ITIH2: variants seen among roughly 807,000 people sequenced by gnomAD.
The protein encoded by ITIH2 is inter-alpha-trypsin inhibitor heavy chain H2.
In ITIH2, 103 loss-of-function variants were observed where a neutral mutation model predicts 104.4. The observed-to-expected ratio is 0.99, with a 90% CI of 0.84 to 1.16. ITIH2 has a LOEUF of 1.16. ITIH2 is among the 50% of genes most tolerant of loss of function. The pLI is 0.00. For missense variants in ITIH2, 1,108 were observed against 1,162.4 expected, an observed-to-expected ratio of 0.95 and a Z score of 0.68; for synonymous variants, 436 against 435.4, an observed-to-expected ratio of 1.00 and a Z score of -0.02.
intron 15 of ITIH2, among the ~76,000 whole-genome samples, chr10:7,735,351 G>A (rs1835044525): frequency 6.6e-6 from 1 of 152,128 alleles, no homozygotes; most frequent in Admixed American, 6.5e-5. Context: ...ATCAATATTT[G>A]AAATTTTTTA....
rs529122943 is a variant in ITIH2, at chr10:7,717,672, C to T, written c.514C>T (p.Leu172Phe). Residue 172 changes from leucine to phenylalanine, a missense_variant, in exon 6 of 21, where the codon CTC (leucine) becomes TTC (phenylalanine). By Grantham distance (22) the Leu-to-Phe change is conservative. Coordinates refer to ENST00000358415, the MANE Select transcript of ITIH2 (RefSeq NM_002216.3). ...AAACTTCAGAACGGAAGTAAATGTC[C>T]TCCCAGGAGCAAAGGTGCAGTTCGA... Reference protein sequence around the residue: ...MENFRTEVNVLPGAKVQFELH... With the variant: ...MENFRTEVNVFPGAKVQFELH... 5 of 1,613,882 alleles carry T rather than the reference C, an allele frequency of 3.1e-6. No homozygotes were observed. In the South Asian group the frequency reaches 3.3e-5, roughly 11 times the overall value.
intron 15 of ITIH2, among the ~76,000 whole-genome samples, chr10:7,736,468 A>T (rs2130959313): frequency 6.6e-6 from 1 of 152,292 alleles, no homozygotes; most frequent in Non-Finnish European, 1.5e-5. Context: ...ATATATTTTT[A>T]TGCTTATTTT....
chr10:7,746,497 G>T (rs1835178829), intron 19 of ITIH2, 96 bp from the exon 20 acceptor site: 1 of 780,698 alleles, frequency 1.3e-6, no homozygotes, highest in Non-Finnish European at 2.1e-6. Flanking sequence ...TAGAAATCCT[G>T]GAGGGAGGAC....
At chr10:7,733,297 T>C (rs375711444) in intron 14 of ITIH2, among the ~76,000 whole-genome samples, 7 of 151,946 alleles carry the variant, frequency 4.6e-5, no homozygotes, top group African/African-American at 1.7e-4. Flanking sequence ...GTATCAGGCA[T>C]GTATTTGCAT....
chr10:7,716,019 C>T (rs140432895), intron 5 of ITIH2, among the ~76,000 whole-genome samples: 6 of 152,168 alleles, frequency 3.9e-5, no homozygotes, highest in African/African-American at 1.2e-4. Flanking sequence ...CCCACCACCA[C>T]GCCCGGCTAA....
chr10:7,746,324 G>A (rs1382975785), intron 19 of ITIH2, among the ~76,000 whole-genome samples: 3 of 151,580 alleles, frequency 2.0e-5, no homozygotes, highest in Non-Finnish European at 4.4e-5. Context: ...GCAGTGAGCC[G>A]AGATAGCACC....
intron 5 of ITIH2, among the ~76,000 whole-genome samples, chr10:7,717,222 G>A (rs897053286): frequency 5.3e-5 from 8 of 152,170 alleles, no homozygotes; most frequent in African/African-American, 1.9e-4. Flanking sequence ...AAAGTGCTGG[G>A]ATTACAGGCA....
rs745701011 is a variant in ITIH2, at chr10:7,749,257, A to C, written c.2764A>C (p.Ser922Arg). The change falls in exon 21 of 21, where the codon AGT becomes CGT. Residue 922 changes from serine to arginine, a missense_variant. Ser to Arg is a moderately radical substitution (Grantham distance 110). Transcript: ENST00000358415. The part of the protein sequence containing the change: ...TDVTCWFVHN[S>R]GKGFIDGHYK... ...CGTTACCTGCTGGTTTGTGCACAAC[A>C]GTGGAAAAGGATTCATTGACGGGCA... is the stretch of plus-strand genomic sequence containing the variant. The C allele has an allele frequency of 1.7e-5, 27 of 1,614,016 alleles. No individual in the cohort carries two copies. The highest frequency in any genetic ancestry group is 2.2e-5 in the Non-Finnish European group (26 of 1,179,986).
At chr10:7,745,413 A>C (rs1835166927) in intron 19 of ITIH2, among the ~76,000 whole-genome samples, 1 of 151,976 alleles carries the variant, frequency 6.6e-6, no homozygotes, top group Non-Finnish European at 1.5e-5. Flanking sequence ...TCCTGCCATC[A>C]GGGTGCTCGA....
chr10:7,730,267 C>T, intron 12 of ITIH2, 134 bp downstream of exon 12: 3 of 646,672 alleles, frequency 4.6e-6, no homozygotes, highest in Non-Finnish European at 7.7e-6. Context: ...TTGCAAGGAT[C>T]AGGGAAGTGC....
At position 7,720,956 on chromosome 10, in the gene ITIH2, A is replaced by C; in HGVS notation, c.731A>C (p.Gln244Pro). 1 of 1,602,182 alleles carries C rather than the reference A, an allele frequency of 6.2e-7. No individual in the cohort carries two copies. The highest frequency in any genetic ancestry group is 1.1e-5 in the South Asian group (1 of 90,818). ...GGTGTTCCGGTCATTTCTAAAGGAC[A>C]ACAGAAGGTACCCTGAGCCCTGTGT... ...FDGVPVISKG[Q>P]QKAHVSFKPT... The change falls in exon 7 of 21, where the codon CAA (glutamine) becomes CCA (proline). Residue 244 changes from glutamine to proline, a missense_variant. Gln to Pro is a moderately conservative substitution (Grantham distance 76). Transcript: ENST00000358415.
chr10:7,746,045 C>T (rs1296542154), intron 19 of ITIH2, among the ~76,000 whole-genome samples: 2 of 131,562 alleles, frequency 1.5e-5, no homozygotes, highest in South Asian at 2.5e-4. Context: ...TGAGCCACCA[C>T]ACCCGGCCCC....
intron 14 of ITIH2, among the ~76,000 whole-genome samples, 198 bp downstream of exon 14, chr10:7,732,675 A>G (rs547795907): frequency 6.6e-6 from 1 of 151,508 alleles, no homozygotes; most frequent in South Asian, 2.1e-4. Flanking sequence ...TTGAGGTATA[A>G]CATACAGTAA....
chr10:7,743,104 CT>C (rs1313413495), intron 16 of ITIH2, 41 bp from the exon 17 acceptor site: 2 of 927,470 alleles, frequency 2.2e-6, no homozygotes, highest in Admixed American at 4.5e-5. Flanking sequence ...AATCATCTTC[CT>C]TTTAATGATT....
At chr10:7,748,071 T>C (rs1835196387) in intron 20 of ITIH2, among the ~76,000 whole-genome samples, 1 of 151,440 alleles carries the variant, frequency 6.6e-6, no homozygotes, top group South Asian at 2.1e-4. Flanking sequence ...TAGCCGGGTG[T>C]GGTGGCGGGC....
At chr10:7,730,364 G>T (rs10795566) in intron 12 of ITIH2, among the ~76,000 whole-genome samples, 23,075 of 152,128 alleles carry the variant, frequency 0.15, 3,448 homozygotes, top group African/African-American at 0.39. Flanking sequence ...GGGAACAGCT[G>T]TCCTACCCCC....
At chr10:7,712,374 G>A (rs934743385) in intron 4 of ITIH2, among the ~76,000 whole-genome samples, 8 of 152,174 alleles carry the variant, frequency 5.3e-5, no homozygotes, top group Non-Finnish European at 7.3e-5. Flanking sequence ...ACCTCGTAAT[G>A]TCATCGTCCT....
intron 14 of ITIH2, 107 bp from the exon 15 acceptor site, chr10:7,734,815 C>A: frequency 1.1e-6 from 1 of 919,316 alleles, no homozygotes; most frequent in Non-Finnish European, 1.6e-6. Context: ...CTCCGCCCCA[C>A]CCCCAGGTTG....
chr10:7,730,213 A>C (rs1300956770), intron 12 of ITIH2, 80 bp downstream of exon 12: 1 of 1,014,190 alleles, frequency 9.9e-7, no homozygotes, highest in African/African-American at 1.6e-5. Flanking sequence ...TATGATGCAT[A>C]ACTGAACTTA....
Sources: allele counts gnomAD v4.1 joint callset (sites outside exome capture counted in the v4.1 genomes callset), GRCh38; gene constraint gnomAD v4.1.1; transcripts MANE v1.5; gene names NCBI Gene and HGNC (gene_info 2026-07-23, HGNC 2026-07-21).